C3orf20: variants seen among roughly 807,000 people sequenced by gnomAD.
C3orf20 encodes the protein uncharacterized protein C3orf20.
C3orf20 carries 76 observed loss-of-function variants against 88.3 expected under a neutral mutation model. That is an observed-to-expected ratio of 0.86 (90% CI 0.72 to 1.04). The LOEUF (loss-of-function observed/expected upper bound fraction) is 1.04. C3orf20 is among the 50% of genes least tolerant of loss of function. The pLI, the probability that C3orf20 is intolerant of heterozygous loss-of-function variation, is 0.00. For missense variants in C3orf20, 1,056 were observed against 1,123.3 expected (o/e 0.94, Z 0.86); for synonymous variants, 436 against 437.4 (o/e 1.00, Z 0.04).
intron 4 of C3orf20, among the ~76,000 whole-genome samples, chr3:14,688,529 C>CAAAAAAAAAAAAAAA (rs35979290): frequency 6.6e-5 from 7 of 105,650 alleles, no homozygotes; most frequent in African/African-American, 1.2e-4. Flanking sequence ...GAGACTGTCT[C>CAAAAAAAAAAAAAAA]AAAAAAAAAA....
At position 14,726,976 on chromosome 3, in the gene C3orf20, T is replaced by C. The variant is rs778471902; in HGVS notation, c.1642T>C (p.Phe548Leu). 6 of 1,614,054 alleles carry C rather than the reference T, an allele frequency of 3.7e-6. No homozygotes were observed. Among genetic ancestry groups the C allele is most frequent in the South Asian group, 1.1e-5 (1 of 91,090 alleles). ...AGCCCTGGCTGAGATCAAGAAGCGG[T>C]TTCAGAAGACAGTGACTCAGTTCAT... ...SRALAEIKKR[F>L]QKTVTQFINS... Residue 548 changes from phenylalanine (F) to leucine (L), a missense_variant, in exon 11 of 17, where the codon TTT becomes CTT. By Grantham distance (22) the Phe-to-Leu change is conservative (BLOSUM62 0). Coordinates refer to ENST00000253697, the MANE Select transcript of C3orf20 (RefSeq NM_032137.5).
chr3:14,705,047 G>A (rs1224483041), intron 7 of C3orf20, among the ~76,000 whole-genome samples: 1 of 152,178 alleles, frequency 6.6e-6, no homozygotes, highest in Non-Finnish European at 1.5e-5. Context: ...TGTGGTCCTT[G>A]GATACTTCAC....
chr3:14,703,617 C>T (rs2033372421), intron 6 of C3orf20, among the ~76,000 whole-genome samples: 1 of 152,206 alleles, frequency 6.6e-6, no homozygotes, highest in African/African-American at 2.4e-5. Flanking sequence ...TGCCTCCTGC[C>T]CCTGCCCAGC....
At chr3:14,747,564 C>T (rs2035091807) in intron 12 of C3orf20, among the ~76,000 whole-genome samples, 1 of 152,154 alleles carries the variant, frequency 6.6e-6, no homozygotes, top group South Asian at 2.1e-4. Context: ...AAAACAAAAA[C>T]TTGAAAACAA....
At chr3:14,743,623 G>T (rs1402384175) in intron 12 of C3orf20, among the ~76,000 whole-genome samples, 1 of 152,014 alleles carries the variant, frequency 6.6e-6, no homozygotes, top group African/African-American at 2.4e-5. Flanking sequence ...CCCTAGCAGA[G>T]GTTCTTCATG....
chr3:14,765,349 G>A (rs1293659353), intron 15 of C3orf20: 1 of 152,288 alleles, frequency 6.6e-6, no homozygotes, highest in African/African-American at 2.4e-5. Context: ...AGATTTGGAA[G>A]GCTGATGGTC....
At chr3:14,708,835 G>A (rs1181331210) in intron 7 of C3orf20, among the ~76,000 whole-genome samples, 1 of 152,014 alleles carries the variant, frequency 6.6e-6, no homozygotes, top group African/African-American at 2.4e-5. Context: ...GTAGAGATAG[G>A]GTTTGGCCAT....
chr3:14,717,910 A>G (rs2033998279), intron 9 of C3orf20, among the ~76,000 whole-genome samples: 2 of 152,156 alleles, frequency 1.3e-5, no homozygotes, highest in African/African-American at 2.4e-5. Flanking sequence ...TCTATAGTTT[A>G]TAAGAAGTCT....
chr3:14,758,674 G>T (rs962962301), intron 13 of C3orf20, among the ~76,000 whole-genome samples: 2 of 152,174 alleles, frequency 1.3e-5, no homozygotes, highest in Admixed American at 6.5e-5. Flanking sequence ...TACACCAGGG[G>T]TAGGGGTTCT....
intron 12 of C3orf20, among the ~76,000 whole-genome samples, chr3:14,739,850 A>G (rs556644198): frequency 6.6e-6 from 1 of 152,336 alleles, no homozygotes; most frequent in Admixed American, 6.5e-5. Flanking sequence ...TAACTTTGCT[A>G]GATTACGATT....
rs2035467622 is a variant in C3orf20 at position 14,758,798 on chromosome 3, C to A, written c.2245-1093C>A. Among the ~76,000 whole-genome samples, 3 of 152,192 alleles carry A rather than the reference C, an allele frequency of 2.0e-5. No individual in the cohort carries two copies. The South Asian group carries it at 6.2e-4, about 31-fold the overall frequency. ...CCAGTAGCCCTTTGACCATCTCAGT[C>A]CAAGAGTGTAGACTCAGCCACAAGC... On this transcript the variant is annotated intron_variant, in intron 13 of 16. Transcript: ENST00000253697.
chr3:14,738,815 GTT>G (rs71038433), intron 12 of C3orf20, among the ~76,000 whole-genome samples: 10,095 of 97,780 alleles, frequency 0.1, 819 homozygotes, highest in African/African-American at 0.25. Flanking sequence ...TAATTTTTTT[GTT>G]TTTTTTTTTT....
At chr3:14,746,839 C>T (rs1185368285) in intron 12 of C3orf20, among the ~76,000 whole-genome samples, 1 of 152,198 alleles carries the variant, frequency 6.6e-6, no homozygotes, top group African/African-American at 2.4e-5. Context: ...GTTGGAAGAA[C>T]TGATTTTACA....
chr3:14,682,377 GC>G (rs983301277), intron 2 of C3orf20, 46 bp downstream of exon 2: 5 of 230,598 alleles, frequency 2.2e-5, no homozygotes, highest in South Asian at 2.3e-4. Flanking sequence ...CATTCCTCCA[GC>G]CCCCCCAGGG....
chr3:14,678,590 G>A (rs1223387726), intron 1 of C3orf20, among the ~76,000 whole-genome samples: 3 of 152,206 alleles, frequency 2.0e-5, no homozygotes, highest in Non-Finnish European at 2.9e-5. Context: ...AAGGTGCTGC[G>A]TCCATGGTCA....
intron 13 of C3orf20, among the ~76,000 whole-genome samples, chr3:14,758,806 G>C (rs1332875629): frequency 2.6e-5 from 4 of 152,172 alleles, no homozygotes; most frequent in African/African-American, 9.7e-5. Flanking sequence ...GTCCAAGAGT[G>C]TAGACTCAGC....
chr3:14,705,451 C>T (rs757166210), intron 7 of C3orf20, among the ~76,000 whole-genome samples: 4 of 152,198 alleles, frequency 2.6e-5, no homozygotes, highest in East Asian at 1.9e-4. Context: ...GTATCTGTCA[C>T]GTGCAATGAA....
intron 4 of C3orf20, among the ~76,000 whole-genome samples, chr3:14,684,710 C>A (rs560008397): frequency 6.6e-6 from 1 of 152,292 alleles, no homozygotes; most frequent in Admixed American, 6.5e-5. Context: ...GTGGACTGAC[C>A]CTTTTAAACA....
chr3:14,739,730 A>T (rs1282861954), intron 12 of C3orf20, among the ~76,000 whole-genome samples: 1 of 152,234 alleles, frequency 6.6e-6, no homozygotes, highest in Non-Finnish European at 1.5e-5. Flanking sequence ...TTCATCAATG[A>T]TCTTAACTAG....
Sources: allele counts gnomAD v4.1 joint callset (sites outside exome capture counted in the v4.1 genomes callset), GRCh38; gene constraint gnomAD v4.1.1; transcripts MANE v1.5; gene names NCBI Gene and HGNC (gene_info 2026-07-23, HGNC 2026-07-21).